SPAG16: variants seen among roughly 807,000 people sequenced by gnomAD.
The protein encoded by SPAG16 is sperm-associated antigen 16 protein.
In SPAG16, 86 loss-of-function variants were observed where a neutral mutation model predicts 80.4. The ratio of observed to expected loss-of-function variants is 1.07; its 90% CI spans 0.90 to 1.28. The LOEUF (loss-of-function observed/expected upper bound fraction) is 1.28. Among genes scored for constraint, SPAG16 ranks in the 50% most tolerant of loss-of-function variants. SPAG16 has a pLI of 0.00. For missense variants in SPAG16, 870 were observed against 765.3 expected (o/e 1.14, Z -1.61); for synonymous variants, 294 against 265.9 (o/e 1.11, Z -1.03).
intron 10 of SPAG16, among the ~76,000 whole-genome samples, chr2:213,557,437 T>G (rs1281767886): frequency 6.6e-6 from 1 of 151,966 alleles, no homozygotes; most frequent in South Asian, 2.1e-4. Flanking sequence ...TTATATCTAA[T>G]TATAATTATA....
At chr2:213,288,505 G>T (rs759869624) in intron 1 of SPAG16, among the ~76,000 whole-genome samples, 42 of 150,746 alleles carry the variant, frequency 2.8e-4, no homozygotes, top group Non-Finnish European at 5.3e-4. Context: ...TAGAGACGGG[G>T]TTTCACTGTG....
chr2:214,356,792 C>T (rs1213427322), intron 15 of SPAG16, among the ~76,000 whole-genome samples: 1 of 151,884 alleles, frequency 6.6e-6, no homozygotes, highest in Non-Finnish European at 1.5e-5. Context: ...TATTTTTTAA[C>T]ACTAAAAATT....
chr2:213,745,443 A>G (rs943557103), intron 10 of SPAG16, among the ~76,000 whole-genome samples: 20 of 152,110 alleles, frequency 1.3e-4, no homozygotes, highest in Admixed American at 1.0e-3. Flanking sequence ...GAGTTTCACC[A>G]TGTTGACTAG....
chr2:214,066,038 T>G (rs2081120779), intron 13 of SPAG16, among the ~76,000 whole-genome samples: 1 of 152,192 alleles, frequency 6.6e-6, no homozygotes, highest in South Asian at 2.1e-4. Flanking sequence ...CACCTTCAAA[T>G]TATTCCCCTT....
At chr2:213,818,300 A>G (rs1434835563) in intron 10 of SPAG16, among the ~76,000 whole-genome samples, 1 of 152,196 alleles carries the variant, frequency 6.6e-6, no homozygotes, top group Non-Finnish European at 1.5e-5. Flanking sequence ...TGTTCACAGT[A>G]AAGTTCCACC....
chr2:213,431,786 C>T (rs2070316634), intron 9 of SPAG16, among the ~76,000 whole-genome samples: 1 of 151,918 alleles, frequency 6.6e-6, no homozygotes, highest in Non-Finnish European at 1.5e-5. Flanking sequence ...ACTCAACAAC[C>T]TCAAAATATA....
chr2:213,301,313 T>A (rs2062733281), intron 3 of SPAG16, among the ~76,000 whole-genome samples: 1 of 152,174 alleles, frequency 6.6e-6, no homozygotes, highest in African/African-American at 2.4e-5. Context: ...ATATTTGACT[T>A]AATGTGAATT....
intron 13 of SPAG16, among the ~76,000 whole-genome samples, chr2:214,056,595 T>A (rs1270542716): frequency 6.6e-6 from 1 of 152,066 alleles, no homozygotes; most frequent in Non-Finnish European, 1.5e-5. Flanking sequence ...TGGTAGACAG[T>A]CTTGCCTTGA....
At chr2:213,401,318 C>A (rs1329461770) in intron 9 of SPAG16, among the ~76,000 whole-genome samples, 1 of 152,196 alleles carries the variant, frequency 6.6e-6, no homozygotes, top group African/African-American at 2.4e-5. Flanking sequence ...TGCATTATTA[C>A]TTGGATATTT....
At chr2:214,118,301 A>G (rs2054043070) in intron 14 of SPAG16, among the ~76,000 whole-genome samples, 2 of 152,204 alleles carry the variant, frequency 1.3e-5, no homozygotes, top group South Asian at 4.1e-4. Flanking sequence ...CTGCAATGAA[A>G]TCTACAAAAT....
chr2:214,055,573 A>G (rs978606784), intron 13 of SPAG16, among the ~76,000 whole-genome samples: 3 of 152,162 alleles, frequency 2.0e-5, no homozygotes, highest in Non-Finnish European at 2.9e-5. Flanking sequence ...CAGAGGGAGC[A>G]TGTCTTAATA....
intron 10 of SPAG16, among the ~76,000 whole-genome samples, chr2:213,822,113 A>G (rs2072981648): frequency 6.6e-6 from 1 of 152,176 alleles, no homozygotes; most frequent in African/African-American, 2.4e-5. Flanking sequence ...TTAGCTTTTA[A>G]GGAACCTCCA....
chr2:214,394,550 CAT>C (rs1450784882), intron 15 of SPAG16, among the ~76,000 whole-genome samples: 3 of 152,088 alleles, frequency 2.0e-5, no homozygotes, highest in Non-Finnish European at 4.4e-5. Flanking sequence ...CTATTAAACT[CAT>C]ATTGGTTTCA....
chr2:213,607,106 T>C (rs1183273147), intron 10 of SPAG16, among the ~76,000 whole-genome samples: 1 of 152,192 alleles, frequency 6.6e-6, no homozygotes, highest in Non-Finnish European at 1.5e-5. Flanking sequence ...TGAAAATTGA[T>C]CAGTTTCGTT....
At chr2:213,644,281 A>G (rs1344293247) in intron 10 of SPAG16, among the ~76,000 whole-genome samples, 1 of 151,996 alleles carries the variant, frequency 6.6e-6, no homozygotes, top group East Asian at 1.9e-4. Flanking sequence ...GTGTTTCTTC[A>G]GCACAGCTAT....
intron 10 of SPAG16, among the ~76,000 whole-genome samples, chr2:213,777,227 G>A (rs955661190): frequency 4.4e-5 from 6 of 135,976 alleles, no homozygotes; most frequent in African/African-American, 1.6e-4. Flanking sequence ...CAAGTGTCCA[G>A]TTTGTAGGAA....
chr2:213,657,767 C>T (rs915907483), intron 10 of SPAG16, among the ~76,000 whole-genome samples: 4 of 152,112 alleles, frequency 2.6e-5, no homozygotes, highest in African/African-American at 9.7e-5. Context: ...ACTGTTACAA[C>T]CTATTCTCTA....
intron 8 of SPAG16, among the ~76,000 whole-genome samples, chr2:213,372,789 A>G (rs2066705660): frequency 6.6e-6 from 1 of 152,108 alleles, no homozygotes; most frequent in African/African-American, 2.4e-5. Flanking sequence ...TTGGTCTATA[A>G]GGAAGTTAGG....
chr2:214,008,385 T>C (rs2047126835), intron 12 of SPAG16, among the ~76,000 whole-genome samples: 1 of 152,130 alleles, frequency 6.6e-6, no homozygotes, highest in Admixed American at 6.6e-5. Context: ...TTTTTTTATT[T>C]TTCTTGTGTA....
Sources: allele counts gnomAD v4.1 joint callset (sites outside exome capture counted in the v4.1 genomes callset), GRCh38; gene constraint gnomAD v4.1.1; transcripts MANE v1.5; gene names NCBI Gene and HGNC (gene_info 2026-07-23, HGNC 2026-07-21).